PPP1R12B: variants seen among roughly 807,000 people sequenced by gnomAD.
The protein encoded by PPP1R12B is protein phosphatase 1 regulatory subunit 12B, also known as myosin phosphatase target subunit 2.
Under a neutral mutation model 126.1 loss-of-function variants are expected in PPP1R12B, and 76 were observed. The observed-to-expected ratio is 0.60, with a 90% confidence interval of 0.50 to 0.73. The LOEUF (loss-of-function observed/expected upper bound fraction) is 0.73. Among genes scored for constraint, PPP1R12B ranks in the 30% least tolerant of loss-of-function variants. PPP1R12B has a pLI of 0.00. For missense variants in PPP1R12B, 1,052 were observed against 1,205.1 expected, an observed-to-expected ratio of 0.87 and a Z score of 1.88; for synonymous variants, 356 against 434.7, an observed-to-expected ratio of 0.82 and a Z score of 2.25.
At chr1:202,399,431 A>G (rs1485990169) in intron 1 of PPP1R12B, among the ~76,000 whole-genome samples, 1 of 151,610 alleles carries the variant, frequency 6.6e-6, no homozygotes, top group Non-Finnish European at 1.5e-5. Context: ...TTGTTGTCCA[A>G]GCTGGTCTCA....
chr1:202,376,837 A>G (rs1467595188), intron 1 of PPP1R12B, among the ~76,000 whole-genome samples: 2 of 152,182 alleles, frequency 1.3e-5, no homozygotes, highest in African/African-American at 4.8e-5. Context: ...TTCTTTTTGA[A>G]TGCTGGGAGG....
intron 13 of PPP1R12B, among the ~76,000 whole-genome samples, chr1:202,452,622 CT>C (rs1673146449): frequency 6.6e-6 from 1 of 151,948 alleles, no homozygotes; most frequent in Non-Finnish European, 1.5e-5. Flanking sequence ...GGTTTACTTT[CT>C]TGATTTCTTT....
chr1:202,519,829 A>C (rs1379421061), intron 18 of PPP1R12B, among the ~76,000 whole-genome samples: 1 of 152,142 alleles, frequency 6.6e-6, no homozygotes, highest in Non-Finnish European at 1.5e-5. Flanking sequence ...TTAGAAACAG[A>C]CATGTTTGTA....
intron 13 of PPP1R12B, among the ~76,000 whole-genome samples, chr1:202,479,553 A>C (rs1677093014): frequency 6.6e-6 from 1 of 152,204 alleles, no homozygotes; most frequent in Admixed American, 6.5e-5. Context: ...GAATGATTGG[A>C]GTTCAGAAAG....
chr1:202,526,831 C>T (rs182670122), intron 18 of PPP1R12B, among the ~76,000 whole-genome samples: 3 of 147,818 alleles, frequency 2.0e-5, no homozygotes, highest in Non-Finnish European at 4.4e-5. Flanking sequence ...TATAAACTTC[C>T]TTGTAGATAC....
At chr1:202,441,442 G>A (rs921173690) in intron 11 of PPP1R12B, among the ~76,000 whole-genome samples, 17 of 152,174 alleles carry the variant, frequency 1.1e-4, no homozygotes, top group African/African-American at 4.1e-4. Context: ...GATTGTAGGT[G>A]TGAGCCACTG....
At chr1:202,360,796 G>A (rs747475106) in intron 1 of PPP1R12B, among the ~76,000 whole-genome samples, 43 of 151,932 alleles carry the variant, frequency 2.8e-4, no homozygotes, top group Non-Finnish European at 3.5e-4. Flanking sequence ...GGTGCCTAAT[G>A]TTGAGATTAG....
intron 13 of PPP1R12B, among the ~76,000 whole-genome samples, chr1:202,482,132 C>A (rs1167601722): frequency 6.6e-6 from 1 of 152,026 alleles, no homozygotes; most frequent in Non-Finnish European, 1.5e-5. Context: ...TTTCTTTACC[C>A]ATTCTTCCAT....
In PPP1R12B at chr1:202,437,486, A is replaced by G. The variant is rs577417838; in HGVS notation, c.1255-335A>G. Among the ~76,000 whole-genome samples the G allele has an allele frequency of 4.6e-5, 7 of 152,324 alleles. 1 individual carries two copies. The East Asian group carries it at 1.2e-3, about 25-fold the overall frequency. ...CTTATATTCAGTTCCACGGTGAGTT[A>G]GAAGAAGGTATATTACTAGAATACA... is the stretch of plus-strand genomic sequence containing the variant. On this transcript the variant is annotated intron_variant, in intron 9 of 23. Coordinates refer to ENST00000608999, the MANE Select transcript of PPP1R12B (RefSeq NM_002481.4).
chr1:202,535,409 TC>T (rs147277400), intron 18 of PPP1R12B, among the ~76,000 whole-genome samples: 7,875 of 152,252 alleles, frequency 0.052, 330 homozygotes, highest in Non-Finnish European at 0.081. Flanking sequence ...ATTAATTTCT[TC>T]CTTTACTAAC....
chr1:202,483,762 C>G (rs1677716707), intron 13 of PPP1R12B, among the ~76,000 whole-genome samples: 1 of 152,176 alleles, frequency 6.6e-6, no homozygotes, highest in Admixed American at 6.5e-5. Context: ...CCCTTTACCT[C>G]TAATAATATT....
chr1:202,476,156 G>A (rs1179158474), intron 13 of PPP1R12B, among the ~76,000 whole-genome samples: 2 of 147,192 alleles, frequency 1.4e-5, no homozygotes, highest in African/African-American at 5.0e-5. Context: ...TTGAGCCTGA[G>A]ATTGTGCCAC....
intron 13 of PPP1R12B, among the ~76,000 whole-genome samples, chr1:202,480,988 G>T (rs6669792): frequency 0.43 from 65,916 of 152,050 alleles, 15,654 homozygotes; most frequent in East Asian, 0.71. Context: ...CATGGGGTGT[G>T]GGGGGCAGTG....
intron 13 of PPP1R12B, among the ~76,000 whole-genome samples, chr1:202,457,539 C>T (rs1268089317): frequency 1.6e-4 from 24 of 147,122 alleles, no homozygotes; most frequent in Non-Finnish European, 2.8e-4. Flanking sequence ...GGAGACAGAG[C>T]GAGACTCCAT....
chr1:202,442,397 A>C, intron 11 of PPP1R12B, 50 bp from the exon 12 acceptor site: 1 of 1,580,814 alleles, frequency 6.3e-7, no homozygotes. Flanking sequence ...ATCATGGACA[A>C]AAACTGGTGG....
intron 12 of PPP1R12B, 50 bp downstream of exon 12, chr1:202,442,622 G>A: frequency 6.5e-7 from 1 of 1,540,138 alleles, no homozygotes; most frequent in South Asian, 1.2e-5. Context: ...CTAGCCATGG[G>A]AAATGGGTAA....
At position 202,527,679 on chromosome 1, in the gene PPP1R12B, A is replaced by C. The variant is rs3933362; in HGVS notation, c.2490+30857A>C. ...CCTTTAAAGAAATTTAATCATACTT[A>C]ACCACCACCTCCCCAACCTCCTGCC... is the stretch of plus-strand genomic sequence containing the variant. On this transcript the variant is annotated intron_variant, in intron 18 of 23. Transcript: ENST00000608999. 1.9e-3 allele frequency among the ~76,000 whole-genome samples: 284 copies of C among 152,280 alleles called. 10 individuals are homozygous for C. The South Asian group carries it at 0.056, about 30-fold the overall frequency.
At chr1:202,461,983 A>G (rs1198236224) in intron 13 of PPP1R12B, among the ~76,000 whole-genome samples, 3 of 152,204 alleles carry the variant, frequency 2.0e-5, no homozygotes, top group Non-Finnish European at 4.4e-5. Context: ...TCCCTCCCAC[A>G]GATTCCTTTC....
chr1:202,487,232 A>G (rs960455092), intron 13 of PPP1R12B, among the ~76,000 whole-genome samples: 7 of 152,230 alleles, frequency 4.6e-5, no homozygotes, highest in Admixed American at 3.9e-4. Context: ...ATAAAGTTCA[A>G]CATACACTAA....
Sources: gnomAD v4.1 joint callset for allele counts (sites outside exome capture counted in the v4.1 genomes callset) on GRCh38, gnomAD v4.1.1 for gene constraint, MANE v1.5 for transcripts, NCBI Gene and HGNC (gene_info 2026-07-23, HGNC 2026-07-21) for gene names.